Variants in LYPLAL1 observed in about 807,000 individuals in gnomAD.
LYPLAL1 encodes the protein lysophospholipase like 1.
In LYPLAL1, 23 loss-of-function variants were observed where a neutral mutation model predicts 19.7. The observed-to-expected ratio is 1.17, with a 90% CI of 0.84 to 1.65. The LOEUF (loss-of-function observed/expected upper bound fraction) is 1.65, where lower values mean the gene tolerates loss of function less well. LYPLAL1 is among the 40% of genes most tolerant of loss of function. The pLI, the probability that LYPLAL1 is intolerant of heterozygous loss-of-function variation, is 0.00. For missense variants in LYPLAL1, 355 were observed against 279.4 expected, an observed-to-expected ratio of 1.27 and a Z score of -1.93; for synonymous variants, 119 against 96.3, an observed-to-expected ratio of 1.24 and a Z score of -1.38.
intron 3 of LYPLAL1, among the ~76,000 whole-genome samples, chr1:219,206,951 A>G (rs1658623221): frequency 6.6e-6 from 1 of 151,906 alleles, no homozygotes; most frequent in African/African-American, 2.4e-5. Flanking sequence ...ATGAAATACT[A>G]ATTTTATTTT....
chr1:219,337,238 T>G, the LYPLAL1 span, among the ~76,000 whole-genome samples: 13 of 152,130 alleles, frequency 8.5e-5, no homozygotes, highest in Middle Eastern at 3.4e-3. Context: ...CCCTTTTACA[T>G]ACAAGATAAC....
the LYPLAL1 span, among the ~76,000 whole-genome samples, chr1:219,397,466 T>A: frequency 1.3e-5 from 2 of 152,192 alleles, no homozygotes; most frequent in Non-Finnish European, 2.9e-5. Context: ...CAGTTTTTTT[T>A]AGAATAATTT....
chr1:219,338,699 T>C, the LYPLAL1 span, among the ~76,000 whole-genome samples: 1 of 151,840 alleles, frequency 6.6e-6, no homozygotes, highest in South Asian at 2.1e-4. Flanking sequence ...CATTGCTTCA[T>C]CTCAGTAAAT....
At chr1:219,230,840 C>G in the LYPLAL1 span, among the ~76,000 whole-genome samples, 4 of 152,282 alleles carry the variant, frequency 2.6e-5, no homozygotes, top group East Asian at 5.8e-4. Flanking sequence ...TTACTAGCCA[C>G]CGTTCTAGCC....
the LYPLAL1 span, among the ~76,000 whole-genome samples, chr1:219,353,827 T>A: frequency 6.6e-6 from 1 of 152,006 alleles, no homozygotes; most frequent in Non-Finnish European, 1.5e-5. Flanking sequence ...CATCAAAATA[T>A]GACCGAGAAA....
the LYPLAL1 span, among the ~76,000 whole-genome samples, chr1:219,337,102 A>G: frequency 6.6e-6 from 1 of 151,832 alleles, no homozygotes; most frequent in Non-Finnish European, 1.5e-5. Context: ...TCTCCTCCTT[A>G]ACTTCTGAAT....
the LYPLAL1 span, among the ~76,000 whole-genome samples, chr1:219,348,072 G>A: frequency 1.4e-4 from 22 of 152,216 alleles, no homozygotes; most frequent in Non-Finnish European, 3.1e-4. Flanking sequence ...ATCCAGCAGT[G>A]AGCACTGCTA....
the LYPLAL1 span, among the ~76,000 whole-genome samples, chr1:219,402,707 G>T: frequency 2.0e-5 from 3 of 151,172 alleles, no homozygotes; most frequent in Non-Finnish European, 2.9e-5. Flanking sequence ...GCATCATTTG[G>T]TAAGATTAAG....
the LYPLAL1 span, among the ~76,000 whole-genome samples, chr1:219,360,137 C>T: frequency 7.2e-5 from 11 of 152,308 alleles, no homozygotes; most frequent in Admixed American, 2.6e-4. Flanking sequence ...GCAGAATGGA[C>T]TGTAGCCAGC....
chr1:219,437,019 T>A, the LYPLAL1 span: 1 of 152,236 alleles, frequency 6.6e-6, no homozygotes, highest in East Asian at 1.9e-4. Context: ...GAGAAAACTC[T>A]GGGTGCCTGT....
chr1:219,187,578 T>G (rs557678755), intron 2 of LYPLAL1, among the ~76,000 whole-genome samples: 2 of 151,884 alleles, frequency 1.3e-5, no homozygotes, highest in South Asian at 4.1e-4. Context: ...TATGATAATA[T>G]AGTTTCTTTT....
the LYPLAL1 span, among the ~76,000 whole-genome samples, chr1:219,305,754 A>G: frequency 6.6e-6 from 1 of 152,206 alleles, no homozygotes; most frequent in South Asian, 2.1e-4. Context: ...TGAAAGAAAT[A>G]CAAGGCTGAT....
rs1657334535 is a variant in LYPLAL1, at chr1:219,193,208, TGAA to T, written c.323_325del (p.Glu108del). ...GTCAAGTGCTTACTGATTTGATTGA[TGAA>T]GAAGTAAAAAGTGGCATCAAGAAGA... On this transcript the variant is annotated inframe_deletion, in exon 3 of 5. Transcript: ENST00000366928. 3.7e-6 allele frequency: 6 copies of T among 1,610,630 alleles called. No individual in the cohort carries two copies. Among genetic ancestry groups the T allele is most frequent in the South Asian group, 1.1e-5 (1 of 90,960 alleles).
At chr1:219,289,542 C>T in the LYPLAL1 span, among the ~76,000 whole-genome samples, 5 of 152,060 alleles carry the variant, frequency 3.3e-5, no homozygotes, top group Non-Finnish European at 5.9e-5. Context: ...ATACCACACA[C>T]ATAAAAATCT....
the LYPLAL1 span, among the ~76,000 whole-genome samples, chr1:219,349,777 CT>C: frequency 6.6e-6 from 1 of 152,226 alleles, no homozygotes; most frequent in East Asian, 1.9e-4. Context: ...AGAGTAGCAC[CT>C]TTTAAATTTA....
the LYPLAL1 span, among the ~76,000 whole-genome samples, chr1:219,409,341 C>G: frequency 6.6e-6 from 1 of 151,858 alleles, no homozygotes; most frequent in African/African-American, 2.4e-5. Flanking sequence ...CCCAGTTACT[C>G]TGGAGGCTGA....
Position 219,208,350 on chromosome 1 carries a change from A to G in LYPLAL1, c.362-2182A>G, listed in dbSNP as rs149287689. 9.7e-3 allele frequency among the ~76,000 whole-genome samples: 1,480 copies of G among 152,258 alleles called. 17 individuals carry two copies. Among genetic ancestry groups the G allele is most frequent in the Non-Finnish European group, 0.012 (793 of 67,954 alleles). On this transcript the variant is annotated intron_variant, in intron 3 of 4. Transcript: ENST00000366928. ...GTCCATCTATCTTGTTTTACTATAA[A>G]TGAAATCCAGCATTTTAAATAATTT...
the LYPLAL1 span, among the ~76,000 whole-genome samples, chr1:219,312,425 A>G: frequency 6.6e-6 from 1 of 151,992 alleles, no homozygotes; most frequent in African/African-American, 2.4e-5. Flanking sequence ...CACACATATC[A>G]CATCATTTTT....
the LYPLAL1 span, among the ~76,000 whole-genome samples, chr1:219,378,749 A>G: frequency 6.6e-6 from 1 of 152,134 alleles, no homozygotes; most frequent in Non-Finnish European, 1.5e-5. Flanking sequence ...AAGAATATAC[A>G]CAAGGGCCTT....
Sources: allele counts gnomAD v4.1 joint callset (sites outside exome capture counted in the v4.1 genomes callset), GRCh38; gene constraint gnomAD v4.1.1; transcripts MANE v1.5; gene names NCBI Gene and HGNC (gene_info 2026-07-23, HGNC 2026-07-21).